FKBP9: variants seen among roughly 807,000 people sequenced by gnomAD.
FKBP9 encodes peptidyl-prolyl cis-trans isomerase FKBP9.
Under a neutral mutation model 55.6 loss-of-function variants are expected in FKBP9, and 27 were observed. The observed-to-expected ratio is 0.49, with a 90% confidence interval of 0.36 to 0.67. FKBP9 has a LOEUF of 0.67. Among genes scored for constraint, FKBP9 ranks in the 30% least tolerant of loss-of-function variants. The pLI is 0.00. For missense variants in FKBP9, 539 were observed against 742.8 expected (o/e 0.73, Z 3.19); for synonymous variants, 267 against 296.5 (o/e 0.90, Z 1.02).
chr7:32,985,178 C>CTT (rs1444286814), intron 5 of FKBP9, among the ~76,000 whole-genome samples: 4 of 111,470 alleles, frequency 3.6e-5, no homozygotes, highest in Admixed American at 8.4e-5. Flanking sequence ...TTCTTTCTTT[C>CTT]TTTTTTTTTT....
At chr7:32,979,762 A>G (rs1784437327) in intron 4 of FKBP9, among the ~76,000 whole-genome samples, 1 of 152,240 alleles carries the variant, frequency 6.6e-6, no homozygotes, top group African/African-American at 2.4e-5. Context: ...ATCCAAGAGA[A>G]GCAGTACTAC....
chr7:32,990,165 T>C (rs1192003715), intron 6 of FKBP9, among the ~76,000 whole-genome samples: 1 of 152,158 alleles, frequency 6.6e-6, no homozygotes, highest in African/African-American at 2.4e-5. Context: ...CTTTACAGAT[T>C]TGATTAAGGA....
intron 6 of FKBP9, chr7:32,995,111 C>T (rs982364949): frequency 6.6e-6 from 1 of 151,932 alleles, no homozygotes; most frequent in African/African-American, 2.4e-5. Context: ...TCTGGGACTA[C>T]AAGTGCTCAC....
rs769158596 is a variant in FKBP9 at position 33,005,157 on chromosome 7, T to C, written c.1537-18T>C. The C allele has an allele frequency of 1.9e-6, 3 of 1,611,210 alleles. No homozygotes were observed. Among genetic ancestry groups the C allele is most frequent in the South Asian group, 1.1e-5 (1 of 90,880 alleles). ...TGGCGGCTGAACTCATGGTCTTTCC[T>C]GTCCCCTTCTTTTCCAGTTCTCAGA... On this transcript the variant is annotated intron_variant, in intron 9 of 9. Coordinates refer to ENST00000242209, the MANE Select transcript of FKBP9 (RefSeq NM_007270.5).
chr7:32,965,633 A>G (rs1364709036), intron 1 of FKBP9, among the ~76,000 whole-genome samples: 1 of 148,292 alleles, frequency 6.7e-6, no homozygotes, highest in Non-Finnish European at 1.5e-5. Context: ...CCCCATCTCT[A>G]CTAAAATTAC....
At position 33,005,117 on chromosome 7, in the gene FKBP9, C is replaced by T; in HGVS notation, c.1537-58C>T. ...CCCCAGACTGCTCTGTTTCTGGCCC[C>T]AGGCCTGGCGTTCATGGCGGCTGAA... On this transcript the variant is annotated intron_variant, in intron 9 of 9. Coordinates refer to ENST00000242209, the MANE Select transcript of FKBP9 (RefSeq NM_007270.5). The T allele has an allele frequency of 3.8e-6, 6 of 1,584,590 alleles. No homozygotes were observed. In the Admixed American group the frequency reaches 6.9e-5, roughly 18 times the overall value.
At chr7:33,002,917 G>T in intron 9 of FKBP9, 78 bp downstream of exon 9, 1 of 1,487,374 alleles carries the variant, frequency 6.7e-7, no homozygotes, top group Non-Finnish European at 9.2e-7. Flanking sequence ...CGGTTCTGAA[G>T]GTAAGGACTT....
chr7:32,972,811 C>T (rs1327615043), intron 1 of FKBP9, among the ~76,000 whole-genome samples: 1 of 152,180 alleles, frequency 6.6e-6, no homozygotes, highest in African/African-American at 2.4e-5. Context: ...CAACCTTCAC[C>T]TCCCAGGTTC....
rs1164820579 is a variant in FKBP9 at position 32,975,303 on chromosome 7, C to A, written c.489C>A (p.Ile163=). ...AGCCCCCGAGTTGCCCTCGGACCAT[C>A]CAGGTGTCTGATTTTGTGAGGTACC... is the stretch of plus-strand genomic sequence containing the variant. ...YFKPPSCPRT[I]QVSDFVRYHY... The change falls in exon 3 of 10, where the codon ATC becomes ATA. Residue 163 remains isoleucine (I), a synonymous_variant. Coordinates refer to ENST00000242209, the MANE Select transcript of FKBP9 (RefSeq NM_007270.5). The A allele has an allele frequency of 6.2e-7, 1 of 1,613,972 alleles. No individual in the cohort carries two copies. Among genetic ancestry groups the A allele is most frequent in the South Asian group, 1.1e-5 (1 of 91,082 alleles).
intron 9 of FKBP9, among the ~76,000 whole-genome samples, chr7:33,004,814 T>C (rs1482857535): frequency 2.0e-5 from 3 of 152,086 alleles, no homozygotes; most frequent in Non-Finnish European, 4.4e-5. Context: ...CCATATGTTT[T>C]GATCATATGA....
chr7:32,983,541 CT>C (rs1374058034), intron 5 of FKBP9, among the ~76,000 whole-genome samples: 3 of 152,098 alleles, frequency 2.0e-5, no homozygotes, highest in African/African-American at 4.8e-5. Flanking sequence ...TGTCAAACTC[CT>C]GACCTCAAGT....
intron 1 of FKBP9, among the ~76,000 whole-genome samples, chr7:32,973,692 T>TG (rs1554285048): frequency 6.8e-4 from 76 of 111,948 alleles, no homozygotes; most frequent in Middle Eastern, 4.6e-3. Context: ...GTTTTTTTTT[T>TG]TTTTTTTTTT....
intron 7 of FKBP9, among the ~76,000 whole-genome samples, chr7:32,997,656 C>T (rs1240205305): frequency 1.3e-5 from 2 of 152,102 alleles, no homozygotes; most frequent in South Asian, 2.1e-4. Flanking sequence ...GGTGAAACCC[C>T]ATCTCTACTA....
chr7:32,988,413 T>C, intron 5 of FKBP9, 94 bp from the exon 6 acceptor site: 1 of 1,293,086 alleles, frequency 7.7e-7, no homozygotes, highest in Non-Finnish European at 1.1e-6. Context: ...TCTGGAGGCC[T>C]CTGTGTGCCT....
At chr7:32,994,610 G>C (rs1784748838) in intron 6 of FKBP9, among the ~76,000 whole-genome samples, 1 of 151,686 alleles carries the variant, frequency 6.6e-6, no homozygotes, top group Non-Finnish European at 1.5e-5. Flanking sequence ...CCCCTGTTTT[G>C]AGTGAGTAGC....
chr7:33,003,024 A>G, intron 9 of FKBP9, 185 bp downstream of exon 9: 2 of 587,162 alleles, frequency 3.4e-6, no homozygotes, highest in Non-Finnish European at 6.0e-6. Context: ...GAAGCTCACC[A>G]TTCCTCTCTG....
chr7:32,988,394 G>C (rs1218263942), intron 5 of FKBP9, 113 bp from the exon 6 acceptor site: 3 of 1,044,350 alleles, frequency 2.9e-6, no homozygotes, highest in East Asian at 4.8e-5. Context: ...GGTTTACGCT[G>C]TTCCGGAGTC....
At chr7:32,987,538 A>T (rs1784603041) in intron 5 of FKBP9, among the ~76,000 whole-genome samples, 1 of 151,998 alleles carries the variant, frequency 6.6e-6, no homozygotes, top group South Asian at 2.1e-4. Flanking sequence ...ATAAAAACAG[A>T]ATATTCATGT....
chr7:33,002,953 G>A (rs1784961047), intron 9 of FKBP9, 114 bp downstream of exon 9: 1 of 1,007,618 alleles, frequency 9.9e-7, no homozygotes. Flanking sequence ...GCTGGCTGGA[G>A]GGCTTGTGAG....
Sources: allele counts gnomAD v4.1 joint callset (sites outside exome capture counted in the v4.1 genomes callset), GRCh38; gene constraint gnomAD v4.1.1; transcripts MANE v1.5; gene names NCBI Gene and HGNC (gene_info 2026-07-23, HGNC 2026-07-21).